EPB41L4B: variants seen among roughly 807,000 people sequenced by gnomAD.
The protein encoded by EPB41L4B is erythrocyte membrane protein band 4.1 like 4B.
A neutral mutation model predicts 112.5 loss-of-function variants in EPB41L4B; 30 were observed. That is an observed-to-expected ratio of 0.27 (90% CI 0.20 to 0.36). The LOEUF is 0.36. Ranked by LOEUF, EPB41L4B falls within the 10% of genes least tolerant of loss-of-function variation. The pLI is 1.00. For synonymous variants in EPB41L4B, 408 were observed against 439.7 expected (o/e 0.93, Z 0.90); for missense variants, 1,024 against 1,133.3 (o/e 0.90, Z 1.38).
At position 109,247,644 on chromosome 9, in the gene EPB41L4B, A is replaced by G; in HGVS notation, c.1344+112T>C. The G allele has an allele frequency of 4.5e-6, 3 of 659,734 alleles. No homozygotes were observed. In the South Asian group the frequency reaches 1.3e-4, roughly 28 times the overall value. 40.9% of individuals were successfully genotyped at this position (659,734 alleles called of 1,614,324 possible). A position where few individuals can be genotyped will look rare whatever the true frequency, so the allele number is the denominator to read the frequency against. ...TTATTTTCTCAAAATCTGATTACAA[A>G]TATGATGACTGCTCATTATGGAAAA... On this transcript the variant is annotated intron_variant, in intron 14 of 25. Transcript: ENST00000374566.
At chr9:109,192,583 G>C (rs140341287) in intron 21 of EPB41L4B, among the ~76,000 whole-genome samples, 1 of 152,254 alleles carries the variant, frequency 6.6e-6, no homozygotes, top group East Asian at 1.9e-4. Flanking sequence ...CCCTTTCAGA[G>C]CTGCGGGCCG....
chr9:109,207,651 C>A (rs1420252383), intron 18 of EPB41L4B, among the ~76,000 whole-genome samples: 1 of 152,160 alleles, frequency 6.6e-6, no homozygotes, highest in Non-Finnish European at 1.5e-5. Flanking sequence ...TTTACCAAAT[C>A]TCTGGGGACA....
intron 6 of EPB41L4B, among the ~76,000 whole-genome samples, chr9:109,262,450 G>GTGT (rs879593106): frequency 0.013 from 133 of 10,128 alleles, 2 homozygotes; most frequent in South Asian, 0.069. Flanking sequence ...GGTGTGTGTG[G>GTGT]GGGTGTGTGT....
At chr9:109,288,487 G>A (rs562863082) in intron 1 of EPB41L4B, among the ~76,000 whole-genome samples, 12 of 152,010 alleles carry the variant, frequency 7.9e-5, no homozygotes, top group African/African-American at 1.9e-4. Flanking sequence ...TTGGGAGGCC[G>A]AGGCGGGCGG....
At chr9:109,254,020 G>A (rs543857428) in intron 11 of EPB41L4B, among the ~76,000 whole-genome samples, 11 of 152,150 alleles carry the variant, frequency 7.2e-5, no homozygotes, top group South Asian at 2.1e-4. Flanking sequence ...CGTGACACCC[G>A]GCTGCAGATT....
At chr9:109,277,744 G>C (rs1835888333) in intron 2 of EPB41L4B, among the ~76,000 whole-genome samples, 1 of 152,176 alleles carries the variant, frequency 6.6e-6, no homozygotes, top group Non-Finnish European at 1.5e-5. Context: ...GGCCTGGCTG[G>C]GGCTGGGAGG....
chr9:109,192,829 G>A (rs369749860), intron 21 of EPB41L4B, among the ~76,000 whole-genome samples: 1 of 152,092 alleles, frequency 6.6e-6, no homozygotes, highest in African/African-American at 2.4e-5. Context: ...CTCCTGCTCT[G>A]GGGTCTTAGC....
At chr9:109,257,739 A>T (rs1173662098) in intron 7 of EPB41L4B, among the ~76,000 whole-genome samples, 1 of 152,214 alleles carries the variant, frequency 6.6e-6, no homozygotes, top group African/African-American at 2.4e-5. Context: ...TCCTGCCTGT[A>T]ATCCCAACAC....
At chr9:109,284,398 G>A (rs775812349) in intron 1 of EPB41L4B, among the ~76,000 whole-genome samples, 76 of 152,068 alleles carry the variant, frequency 5.0e-4, no homozygotes, top group Admixed American at 4.6e-4. Flanking sequence ...GAGAAACCGC[G>A]GATGGCTTTG....
intron 1 of EPB41L4B, among the ~76,000 whole-genome samples, chr9:109,299,429 C>T (rs1410794452): frequency 2.6e-5 from 4 of 152,144 alleles, no homozygotes; most frequent in Non-Finnish European, 5.9e-5. Flanking sequence ...GCATGCACCA[C>T]CATGCCTAGC....
chr9:109,197,264 A>C (rs1832673679), intron 20 of EPB41L4B, among the ~76,000 whole-genome samples: 1 of 151,932 alleles, frequency 6.6e-6, no homozygotes, highest in Non-Finnish European at 1.5e-5. Flanking sequence ...CTCTACTAAA[A>C]ACACAAAAAT....
intron 24 of EPB41L4B, among the ~76,000 whole-genome samples, chr9:109,179,876 T>G (rs1831989926): frequency 6.6e-6 from 1 of 152,172 alleles, no homozygotes; most frequent in Admixed American, 6.5e-5. Flanking sequence ...GTTTCCAGGC[T>G]ACTGTCCTGA....
chr9:109,186,375 C>T (rs982255188), intron 22 of EPB41L4B, among the ~76,000 whole-genome samples: 2 of 151,748 alleles, frequency 1.3e-5, no homozygotes, highest in African/African-American at 4.8e-5. Flanking sequence ...TTAATGGAGA[C>T]AGGGTTTCAC....
intron 1 of EPB41L4B, among the ~76,000 whole-genome samples, chr9:109,292,886 G>A (rs1478914669): frequency 3.9e-5 from 6 of 152,166 alleles, no homozygotes; most frequent in East Asian, 3.8e-4. Context: ...CATGTGAAAC[G>A]TCTAACTACC....
At chr9:109,195,942 C>G (rs1369860457) in intron 20 of EPB41L4B, among the ~76,000 whole-genome samples, 1 of 152,036 alleles carries the variant, frequency 6.6e-6, no homozygotes. Flanking sequence ...AAGGTAAATT[C>G]ATGATAAAGT....
chr9:109,263,259 G>C (rs970868848), intron 5 of EPB41L4B, among the ~76,000 whole-genome samples, 157 bp from the exon 6 acceptor site: 3 of 152,158 alleles, frequency 2.0e-5, no homozygotes, highest in African/African-American at 7.2e-5. Context: ...TGCAACAAGC[G>C]ACTTGCACTA....
At chr9:109,203,247 C>T (rs1458805104) in intron 19 of EPB41L4B, among the ~76,000 whole-genome samples, 2 of 152,254 alleles carry the variant, frequency 1.3e-5, no homozygotes, top group Admixed American at 1.3e-4. Context: ...ATCAATGGGC[C>T]AAGGGAAGCT....
At chr9:109,307,366 C>G (rs1009370910) in intron 1 of EPB41L4B, 1 of 373,406 alleles carries the variant, frequency 2.7e-6, no homozygotes, top group Non-Finnish European at 5.2e-6. Context: ...TACCTCCGAC[C>G]TTAAATTTCC....
Position 109,182,814 on chromosome 9 carries a change from G to C in EPB41L4B, c.2419-17C>G. On this transcript the variant is annotated splice_polypyrimidine_tract_variant and intron_variant, in intron 23 of 25. Coordinates refer to ENST00000374566, the MANE Select transcript of EPB41L4B (RefSeq NM_019114.5). The stretch of plus-strand genomic sequence containing the variant: ...TGTTTTTATCTTCAAAAGAGAGAAA[G>C]ACAAGGGGGTTACCTTCAGATTAGA... 5 of 1,568,546 alleles carry C rather than the reference G, an allele frequency of 3.2e-6. No homozygotes were observed. The highest frequency in any genetic ancestry group is 4.4e-6 in the Non-Finnish European group (5 of 1,139,042).
Sources: allele counts gnomAD v4.1 joint callset (sites outside exome capture counted in the v4.1 genomes callset), GRCh38; gene constraint gnomAD v4.1.1; transcripts MANE v1.5; gene names NCBI Gene and HGNC (gene_info 2026-07-23, HGNC 2026-07-21).